Variants in OSBPL6 observed in about 807,000 individuals in gnomAD.
OSBPL6 encodes the protein oxysterol-binding protein-related protein 6.
In OSBPL6, 49 loss-of-function variants were observed where a neutral mutation model predicts 125.8. The observed-to-expected ratio is 0.39, with a 90% CI of 0.31 to 0.49. The LOEUF is 0.49. Among genes scored for constraint, OSBPL6 ranks in the 20% least tolerant of loss-of-function variants. The pLI is 0.88. For synonymous variants in OSBPL6, 394 were observed against 391.8 expected, an observed-to-expected ratio of 1.01 and a Z score of -0.07; for missense variants, 986 against 1,135.4, an observed-to-expected ratio of 0.87 and a Z score of 1.89.
At chr2:178,200,247 C>CTTTTT (rs767677596) in intron 1 of OSBPL6, among the ~76,000 whole-genome samples, 18 of 109,728 alleles carry the variant, frequency 1.6e-4, no homozygotes, top group Admixed American at 2.8e-4. Context: ...TTCTTCAGAC[C>CTTTTT]TTTTTTTTTT....
rs1253564803 is a variant in OSBPL6 at position 178,395,373 on chromosome 2, C to A, written c.2697-78C>A. 4 of 976,292 alleles carry A rather than the reference C, an allele frequency of 4.1e-6. No homozygotes were observed. In the African/African-American group the frequency reaches 6.5e-5, roughly 16 times the overall value. 60.5% of individuals were successfully genotyped at this position (976,292 alleles called of 1,614,324 possible). A position where few individuals can be genotyped will look rare whatever the true frequency, so the allele number is the denominator to read the frequency against. On this transcript the variant is annotated intron_variant, in intron 24 of 24. Transcript: ENST00000190611. ...ACAAACACTGCTTATATGTCCATGT[C>A]TAATCTATAGGAGAGGGTCCTATTT...
intron 3 of OSBPL6, among the ~76,000 whole-genome samples, chr2:178,314,367 T>A (rs1184854099): frequency 6.6e-6 from 1 of 152,198 alleles, no homozygotes; most frequent in African/African-American, 2.4e-5. Flanking sequence ...ACCCAGGGAT[T>A]TGCAGGATGA....
At chr2:178,389,369 GA>G (rs1164671840) in intron 21 of OSBPL6, among the ~76,000 whole-genome samples, 1 of 151,454 alleles carries the variant, frequency 6.6e-6, no homozygotes, top group East Asian at 2.0e-4. Flanking sequence ...ATCTAAAACA[GA>G]AAAAAAACAC....
At chr2:178,223,699 G>T (rs2090436139) in intron 1 of OSBPL6, among the ~76,000 whole-genome samples, 1 of 152,122 alleles carries the variant, frequency 6.6e-6, no homozygotes, top group Non-Finnish European at 1.5e-5. Flanking sequence ...GTTTTAAAGT[G>T]TTCTTTTTAA....
intron 8 of OSBPL6, 76 bp from the exon 9 acceptor site, chr2:178,336,225 T>C: frequency 6.6e-7 from 1 of 1,509,172 alleles, no homozygotes; most frequent in Non-Finnish European, 9.0e-7. Flanking sequence ...TAATACGGTT[T>C]TGAGGATACT....
rs1691253967 is a variant in OSBPL6 at position 178,351,502 on chromosome 2, CT to C, written c.1153+2115del. ...ATCCTATTTATGATAAAATAAAATA[CT>C]TAGGAATAAACTTAAGCAAGGAGTT... On this transcript the variant is annotated intron_variant, in intron 12 of 24. Transcript: ENST00000190611. Among the ~76,000 whole-genome samples the C allele has an allele frequency of 5.9e-5, 9 of 152,096 alleles. No homozygotes were observed. In the South Asian group the frequency reaches 1.9e-3, roughly 32 times the overall value.
intron 22 of OSBPL6, 59 bp from the exon 23 acceptor site, chr2:178,392,353 G>GCTT: frequency 6.3e-7 from 1 of 1,588,836 alleles, no homozygotes; most frequent in Non-Finnish European, 8.6e-7. Flanking sequence ...GGGTAAGTCA[G>GCTT]CTTCTTCCAG....
intron 4 of OSBPL6, among the ~76,000 whole-genome samples, chr2:178,326,747 C>A (rs1175203300): frequency 6.6e-6 from 1 of 152,116 alleles, no homozygotes; most frequent in Non-Finnish European, 1.5e-5. Flanking sequence ...AGGTTGACAG[C>A]CTATTTAATT....
intron 1 of OSBPL6, among the ~76,000 whole-genome samples, chr2:178,254,871 T>G (rs1163762164): frequency 1.3e-5 from 2 of 152,252 alleles, no homozygotes; most frequent in Non-Finnish European, 2.9e-5. Context: ...GTTCTCATGA[T>G]GCTACATACC....
intron 1 of OSBPL6, among the ~76,000 whole-genome samples, chr2:178,212,959 C>A (rs1192603137): frequency 6.6e-6 from 1 of 152,136 alleles, no homozygotes; most frequent in Non-Finnish European, 1.5e-5. Flanking sequence ...AGGTGCACAC[C>A]ACCACACTCG....
intron 1 of OSBPL6, among the ~76,000 whole-genome samples, chr2:178,238,530 A>G (rs1052584831): frequency 2.6e-5 from 4 of 152,218 alleles, no homozygotes; most frequent in African/African-American, 4.8e-5. Flanking sequence ...TAATAAGGAA[A>G]AAGAATAAAG....
chr2:178,365,369 G>A (rs1159406219), intron 13 of OSBPL6, among the ~76,000 whole-genome samples: 1 of 152,138 alleles, frequency 6.6e-6, no homozygotes, highest in Non-Finnish European at 1.5e-5. Context: ...CTTGAAATTA[G>A]CATTTTTACA....
intron 15 of OSBPL6, among the ~76,000 whole-genome samples, chr2:178,380,894 C>T (rs1694411382): frequency 6.6e-6 from 1 of 152,094 alleles, no homozygotes; most frequent in South Asian, 2.1e-4. Flanking sequence ...AACTGATCTC[C>T]TTTTTCAGTA....
chr2:178,212,736 T>C (rs1322223619), intron 1 of OSBPL6, among the ~76,000 whole-genome samples: 1 of 152,220 alleles, frequency 6.6e-6, no homozygotes, highest in East Asian at 1.9e-4. Flanking sequence ...ACGCAGAGGC[T>C]AAAACTAAAA....
chr2:178,349,762 A>G (rs73032583), intron 12 of OSBPL6, among the ~76,000 whole-genome samples: 4,780 of 152,230 alleles, frequency 0.031, 239 homozygotes, highest in African/African-American at 0.11. Flanking sequence ...ACACTCATGT[A>G]TTGGACTTTA....
chr2:178,357,492 A>G (rs1574959420), intron 12 of OSBPL6, among the ~76,000 whole-genome samples: 1 of 152,266 alleles, frequency 6.6e-6, no homozygotes, highest in East Asian at 1.9e-4. Flanking sequence ...AATGCTCATC[A>G]TCACTGGTGA....
At chr2:178,260,033 T>G (rs1441936191) in intron 1 of OSBPL6, among the ~76,000 whole-genome samples, 5 of 152,196 alleles carry the variant, frequency 3.3e-5, no homozygotes, top group African/African-American at 9.6e-5. Flanking sequence ...GGTAATCTTC[T>G]AATTCTAATA....
chr2:178,250,440 A>G (rs2091651919), intron 1 of OSBPL6, among the ~76,000 whole-genome samples: 1 of 152,062 alleles, frequency 6.6e-6, no homozygotes, highest in South Asian at 2.1e-4. Flanking sequence ...TCCTCACATG[A>G]TCATCTTTTA....
At chr2:178,228,906 G>A (rs2090692573) in intron 1 of OSBPL6, among the ~76,000 whole-genome samples, 1 of 152,154 alleles carries the variant, frequency 6.6e-6, no homozygotes, top group South Asian at 2.1e-4. Flanking sequence ...ACTGAATATT[G>A]ATGTGTTTAG....
Sources: gnomAD v4.1 joint callset for allele counts (sites outside exome capture counted in the v4.1 genomes callset) on GRCh38, gnomAD v4.1.1 for gene constraint, MANE v1.5 for transcripts, NCBI Gene and HGNC (gene_info 2026-07-23, HGNC 2026-07-21) for gene names.